CSMD1: variants seen among roughly 807,000 people sequenced by gnomAD.
CSMD1 encodes CUB and Sushi multiple domains 1, also known as CUB and sushi domain-containing protein 1.
In CSMD1, 213 loss-of-function variants were observed where a neutral mutation model predicts 417.5. The ratio of observed to expected loss-of-function variants is 0.51; its 90% CI spans 0.46 to 0.57. The LOEUF (loss-of-function observed/expected upper bound fraction) is 0.57. Among genes scored for constraint, CSMD1 ranks in the 20% least tolerant of loss-of-function variants. The pLI is 0.00. For synonymous variants in CSMD1, 2,862 were observed against 1,736.8 expected (o/e 1.65, Z -16.11); for missense variants, 6,923 against 4,529.7 (o/e 1.53, Z -15.17).
intron 2 of CSMD1, among the ~76,000 whole-genome samples, chr8:4,553,115 TA>T (rs1309049979): frequency 6.6e-6 from 1 of 152,228 alleles, no homozygotes; most frequent in Non-Finnish European, 1.5e-5. Flanking sequence ...GTTTTCGAGG[TA>T]CCTATGAGCC....
intron 3 of CSMD1, among the ~76,000 whole-genome samples, chr8:4,250,170 A>G (rs951788538): frequency 8.5e-5 from 13 of 152,174 alleles, no homozygotes; most frequent in Admixed American, 3.3e-4. Context: ...AGAACTGTGA[A>G]CCAATACATT....
intron 11 of CSMD1, among the ~76,000 whole-genome samples, chr8:3,477,995 C>T (rs924287369): frequency 7.2e-5 from 11 of 152,116 alleles, no homozygotes; most frequent in Non-Finnish European, 1.3e-4. Context: ...TTATTAAATA[C>T]AATGTTAAAA....
chr8:2,967,105 G>C (rs1445369129), intron 57 of CSMD1, among the ~76,000 whole-genome samples: 3 of 152,184 alleles, frequency 2.0e-5, no homozygotes, highest in Non-Finnish European at 4.4e-5. Context: ...TGACAGAATT[G>C]TTGTGATTTT....
At chr8:4,739,227 T>C (rs1439538094) in intron 1 of CSMD1, among the ~76,000 whole-genome samples, 2 of 152,364 alleles carry the variant, frequency 1.3e-5, no homozygotes, top group Non-Finnish European at 2.9e-5. Flanking sequence ...TCCTATGTTG[T>C]TGAGCCTGCC....
chr8:4,710,989 A>C (rs1230578206), intron 1 of CSMD1, among the ~76,000 whole-genome samples: 1 of 152,174 alleles, frequency 6.6e-6, no homozygotes, highest in African/African-American at 2.4e-5. Context: ...TACTTGAGTG[A>C]CATGTGAGGT....
At chr8:3,802,342 A>T (rs940771553) in intron 5 of CSMD1, among the ~76,000 whole-genome samples, 1 of 152,170 alleles carries the variant, frequency 6.6e-6, no homozygotes, top group Non-Finnish European at 1.5e-5. Flanking sequence ...TATGTTATAC[A>T]TCTGTATATG....
intron 49 of CSMD1, among the ~76,000 whole-genome samples, chr8:3,075,095 T>C (rs1813560016): frequency 6.6e-6 from 1 of 152,042 alleles, no homozygotes; most frequent in Non-Finnish European, 1.5e-5. Context: ...TGCTCCTACT[T>C]TTGCTAGGCG....
At chr8:4,935,396 C>T (rs773993508) in intron 1 of CSMD1, among the ~76,000 whole-genome samples, 1 of 152,188 alleles carries the variant, frequency 6.6e-6, no homozygotes, top group Admixed American at 6.5e-5. Flanking sequence ...CCTCAAAAGC[C>T]CTATTACTCT....
intron 3 of CSMD1, among the ~76,000 whole-genome samples, chr8:4,115,657 A>G (rs1266948573): frequency 2.0e-5 from 3 of 152,198 alleles, no homozygotes; most frequent in Non-Finnish European, 4.4e-5. Flanking sequence ...TGCTTTGCCC[A>G]TAATTGCTAA....
Position 3,577,055 on chromosome 8 carries a change from G to C in CSMD1, c.1223-1989C>G, listed in dbSNP as rs528173897. Reference sequence around the variant, plus strand: ...ATCTGAAAAACATCTGCAGGGGAAAGTCATTTGTTACAATCCTACTGACAA... The same window carrying C: ...ATCTGAAAAACATCTGCAGGGGAAACTCATTTGTTACAATCCTACTGACAA... On this transcript the variant is annotated intron_variant, in intron 9 of 69. Transcript: ENST00000635120. Among the ~76,000 whole-genome samples, 3 of 152,308 alleles carry C rather than the reference G, an allele frequency of 2.0e-5. No homozygotes were observed. The South Asian group carries it at 6.2e-4, about 32-fold the overall frequency.
intron 12 of CSMD1, among the ~76,000 whole-genome samples, chr8:3,416,770 T>G (rs1282658012): frequency 6.6e-6 from 1 of 152,238 alleles, no homozygotes; most frequent in Non-Finnish European, 1.5e-5. Context: ...TCACTGAGCC[T>G]ACACTGCTGT....
chr8:4,930,238 C>T (rs1225408635), intron 1 of CSMD1, among the ~76,000 whole-genome samples: 5 of 152,110 alleles, frequency 3.3e-5, no homozygotes, highest in Non-Finnish European at 4.4e-5. Context: ...TTAGGCATCT[C>T]GTGCTAACTA....
chr8:3,376,607 A>C (rs1172191219), intron 18 of CSMD1, among the ~76,000 whole-genome samples: 1 of 152,082 alleles, frequency 6.6e-6, no homozygotes, highest in African/African-American at 2.4e-5. Context: ...CTTTAATTAA[A>C]AAAAATTTCA....
intron 49 of CSMD1, among the ~76,000 whole-genome samples, chr8:3,054,560 G>A (rs187995794): frequency 1.3e-3 from 202 of 152,360 alleles, no homozygotes; most frequent in Non-Finnish European, 2.5e-3. Context: ...AGAGGTTGCA[G>A]TGAGCTGAAA....
intron 5 of CSMD1, among the ~76,000 whole-genome samples, chr8:3,972,725 G>C (rs868260699): frequency 1.8e-4 from 28 of 152,328 alleles, no homozygotes; most frequent in Middle Eastern, 3.4e-3. Flanking sequence ...ACTTGTGGGA[G>C]TAAACACACA....
rs111395811 is a variant in CSMD1 at position 3,486,921 on chromosome 8, C to A, written c.1448+6702G>T. Among the ~76,000 whole-genome samples, 691 of 152,292 alleles carry A rather than the reference C, an allele frequency of 4.5e-3. 5 individuals are homozygous for A. Among genetic ancestry groups the A allele is most frequent in the African/African-American group, 0.016 (660 of 41,564 alleles). On this transcript the variant is annotated intron_variant, in intron 11 of 69. Coordinates refer to ENST00000635120, the MANE Select transcript of CSMD1 (RefSeq NM_033225.6). Reference sequence around the variant, plus strand: ...CCAGAGAGATCTGGCAATGTCTGAACTGTCCAGTACTAATGACGAAGGTTG... The same window carrying A: ...CCAGAGAGATCTGGCAATGTCTGAAATGTCCAGTACTAATGACGAAGGTTG...
chr8:3,417,853 C>T (rs1450966265), intron 12 of CSMD1, among the ~76,000 whole-genome samples: 4 of 152,170 alleles, frequency 2.6e-5, no homozygotes, highest in African/African-American at 9.7e-5. Flanking sequence ...AGTGTGAGAA[C>T]ATGTCCACGC....
At chr8:3,695,137 C>G (rs1023894979) in intron 7 of CSMD1, among the ~76,000 whole-genome samples, 1 of 123,162 alleles carries the variant, frequency 8.1e-6, no homozygotes, top group African/African-American at 3.0e-5. Flanking sequence ...AAGTGTAGTA[C>G]AAGGATATTG....
intron 2 of CSMD1, among the ~76,000 whole-genome samples, chr8:4,444,426 C>A (rs1290083642): frequency 1.5e-5 from 2 of 136,330 alleles, no homozygotes; most frequent in Admixed American, 7.8e-5. Context: ...CAAAAATGGA[C>A]AACTTTTAGA....
Sources: allele counts gnomAD v4.1 joint callset (sites outside exome capture counted in the v4.1 genomes callset), GRCh38; gene constraint gnomAD v4.1.1; transcripts MANE v1.5; gene names NCBI Gene and HGNC (gene_info 2026-07-23, HGNC 2026-07-21).